The following SLC23A1 variants were observed in gnomAD, a reference collection of about 807,000 sequenced individuals.
The protein encoded by SLC23A1 is solute carrier family 23 member 1.
In SLC23A1, 31 loss-of-function variants were observed where a neutral mutation model predicts 62.5. The observed-to-expected ratio is 0.50, with a 90% confidence interval of 0.37 to 0.67. The LOEUF (loss-of-function observed/expected upper bound fraction) is 0.67, where lower values mean the gene tolerates loss of function less well. SLC23A1 is among the 30% of genes least tolerant of loss of function. The probability of loss-of-function intolerance (pLI) is 0.00; values close to 1 mark genes in which losing one functional copy is unlikely to be tolerated. For synonymous variants in SLC23A1, 271 were observed against 313.2 expected (o/e 0.87, Z 1.42); for missense variants, 640 against 782.7 (o/e 0.82, Z 2.18).
chr5:139,372,767 TAG>T (rs1757743499), intron 13 of SLC23A1, among the ~76,000 whole-genome samples: 1 of 152,052 alleles, frequency 6.6e-6, no homozygotes, highest in Non-Finnish European at 1.5e-5. Flanking sequence ...GTATTTTTAG[TAG>T]AGACGGGGTG....
rs755822670 is a variant in SLC23A1 at position 139,382,001 on chromosome 5, C to T, written c.199G>A (p.Ala67Thr). The change falls in exon 3 of 15, where the codon GCT (alanine) becomes ACT (threonine). Residue 67 changes from alanine (A) to threonine (T), a missense_variant. Physicochemically the swap from Ala to Thr is moderately conservative, Grantham distance 58. Coordinates refer to ENST00000348729, the MANE Select transcript of SLC23A1 (RefSeq NM_005847.5). ...SGTIAVPFLL[A>T]EALCVGHDQH... ...TCGTGGCCCACACACAGCGCCTCAG[C>T]CAGCAGGAAGGGCACGGCGATGGTA... is the stretch of plus-strand genomic sequence containing the variant. 1.2e-6 allele frequency: 2 copies of T among 1,607,894 alleles called. No homozygotes were observed. The highest frequency in any genetic ancestry group is 1.7e-5 in the Admixed American group (1 of 59,072).
intron 13 of SLC23A1, among the ~76,000 whole-genome samples, chr5:139,375,775 C>T (rs1184778947): frequency 3.4e-5 from 5 of 147,766 alleles, no homozygotes; most frequent in Non-Finnish European, 7.4e-5. Context: ...GCGGAGGTGG[C>T]AGTGAGCCGA....
At chr5:139,368,769 G>T in intron 14 of SLC23A1, 1 of 1,613,552 alleles carries the variant, frequency 6.2e-7, no homozygotes, top group Non-Finnish European at 8.5e-7. Context: ...AAAGGAGTTT[G>T]TTCCTGGGGT....
intron 1 of SLC23A1, 50 bp downstream of exon 1, chr5:139,383,168 G>GCCCCC: frequency 4.1e-6 from 1 of 242,714 alleles, no homozygotes; most frequent in South Asian, 4.3e-5. Context: ...AGGCCCTCCA[G>GCCCCC]CCCCCCACCC....
At chr5:139,368,627 C>A (rs551478305) in intron 14 of SLC23A1, 2 of 771,202 alleles carry the variant, frequency 2.6e-6, no homozygotes, top group Admixed American at 4.6e-5. Context: ...AGACTGAGTT[C>A]TTTTGTCTTT....
In SLC23A1 at chr5:139,380,294, T is replaced by G; in HGVS notation, c.561A>C (p.Thr187=). Residue 187 remains threonine, a synonymous_variant, in exon 6 of 15, where the codon ACA becomes ACC. Transcript: ENST00000348729. ...CAATGAGGGAGACAGTGGGGGTGACTGTGAGAGGCCCAATGTAGTTGAGCA... is the reference window on the plus strand; with the variant it reads ...CAATGAGGGAGACAGTGGGGGTGACGGTGAGAGGCCCAATGTAGTTGAGCA... ...GALLNYIGPL[T]VTPTVSLIGL... is the part of the protein sequence containing the mutation. 6.3e-7 allele frequency: 1 copy of G among 1,599,924 alleles called. No individual in the cohort carries two copies. The highest frequency in any genetic ancestry group is 1.3e-5 in the African/African-American group (1 of 74,692).
In SLC23A1 at chr5:139,378,114, C is replaced by T. The variant is rs2152069074; in HGVS notation, c.1314G>A (p.Met438Ile). Reference protein sequence around the residue: ...LGGMFCTLFGMITAVGLSNLQ... With the variant: ...LGGMFCTLFGIITAVGLSNLQ... ...GGTTGGACAGCCCCACAGCTGTAATCATGCCTAAGGGCGCAAGAGAACGGC... is the reference window on the plus strand; with the variant it reads ...GGTTGGACAGCCCCACAGCTGTAATTATGCCTAAGGGCGCAAGAGAACGGC... Residue 438 changes from methionine (M) to isoleucine (I), a missense_variant, in exon 12 of 15, where the codon ATG (methionine) becomes ATA (isoleucine). Coordinates refer to ENST00000348729, the MANE Select transcript of SLC23A1 (RefSeq NM_005847.5). The surrounding 1 kb of genome is among the most constrained non-coding windows in gnomAD (Gnocchi z 4.5). 6.2e-7 allele frequency: 1 copy of T among 1,614,224 alleles called. No individual in the cohort carries two copies. Among genetic ancestry groups the T allele is most frequent in the Non-Finnish European group, 8.5e-7 (1 of 1,180,038 alleles).
At position 139,380,243 on chromosome 5, in the gene SLC23A1, G is replaced by A. The variant is rs375177711; in HGVS notation, c.612C>T (p.Gly204=). 14 of 1,566,778 alleles carry A rather than the reference G, an allele frequency of 8.9e-6. No individual in the cohort carries two copies. The highest frequency in any genetic ancestry group is 2.3e-5 in the South Asian group (2 of 85,678). The change falls in exon 6 of 15, where the codon GGC becomes GGT. Residue 204 remains glycine (G), a synonymous_variant. Coordinates refer to ENST00000348729, the MANE Select transcript of SLC23A1 (RefSeq NM_005847.5). The part of the protein sequence containing the change: ...LIGLSVFQAA[G]DRAGSHWGIS... ...TGCCCCAGTGGGAGCCAGCTCGGTC[G>A]CCAGCAGCTTGGAAGACAGAAAGGC...
chr5:139,369,612 T>G (rs2152061057), intron 14 of SLC23A1: 1 of 152,772 alleles, frequency 6.5e-6, no homozygotes, highest in African/African-American at 2.4e-5. Context: ...TTGGGTAGGT[T>G]AAGCTGCCAT....
chr5:139,367,986 G>A (rs552184471), intron 14 of SLC23A1, among the ~76,000 whole-genome samples: 10 of 151,770 alleles, frequency 6.6e-5, no homozygotes, highest in African/African-American at 2.4e-4. Flanking sequence ...GGCAGATCAC[G>A]AGGTCAGATC....
intron 13 of SLC23A1, among the ~76,000 whole-genome samples, chr5:139,377,104 G>A (rs538467815): frequency 6.6e-6 from 1 of 152,108 alleles, no homozygotes; most frequent in Non-Finnish European, 1.5e-5. Context: ...GGGTGACAGG[G>A]CGAGACTCCA....
In SLC23A1 at chr5:139,380,803, G is replaced by A. The variant is rs754423492; in HGVS notation, c.392C>T (p.Pro131Leu). The change falls in exon 4 of 15, where the codon CCG becomes CTG. Residue 131 changes from proline (P) to leucine (L), a missense_variant. Coordinates refer to ENST00000348729, the MANE Select transcript of SLC23A1 (RefSeq NM_005847.5). ...GACCCCAGAAGTGTACCCACCTTCC[G>A]GGGGGCATTTCCATCTCTCCAGAGC... ...ILALERWKCP[P>L]EEEIYGNWSL... 7 of 1,563,614 alleles carry A rather than the reference G, an allele frequency of 4.5e-6. No individual in the cohort carries two copies. Among genetic ancestry groups the A allele is most frequent in the Middle Eastern group, 1.7e-4 (1 of 5,988 alleles).
intron 1 of SLC23A1, 49 bp from the exon 2 acceptor site, chr5:139,382,654 C>T (rs1316901304): frequency 5.2e-6 from 6 of 1,156,000 alleles, no homozygotes; most frequent in Non-Finnish European, 7.8e-6. Flanking sequence ...TGGGGACAGG[C>T]AAAATCCATT....
intron 13 of SLC23A1, among the ~76,000 whole-genome samples, chr5:139,374,408 G>C (rs1028580969): frequency 2.0e-5 from 3 of 152,240 alleles, no homozygotes; most frequent in African/African-American, 7.2e-5. Context: ...CTGCACTCCA[G>C]CCTGGGCGAC....
At chr5:139,375,835 CA>C (rs59400871) in intron 13 of SLC23A1, among the ~76,000 whole-genome samples, 3 of 147,412 alleles carry the variant, frequency 2.0e-5, no homozygotes, top group Non-Finnish European at 3.0e-5. Flanking sequence ...GACTCCATCT[CA>C]AAAAAAAAAA....
chr5:139,382,352 C>T (rs540506505), intron 2 of SLC23A1, 140 bp downstream of exon 2: 147 of 609,042 alleles, frequency 2.4e-4, no homozygotes, highest in Non-Finnish European at 3.6e-4. Flanking sequence ...AGCCTCTTCC[C>T]GACTCCTGCT....
rs747021735 is a variant in SLC23A1, at chr5:139,379,845, G to A, written c.769-11C>T. The A allele has an allele frequency of 2.5e-6, 4 of 1,614,014 alleles. No homozygotes were observed. The highest frequency in any genetic ancestry group is 2.2e-5 in the South Asian group (2 of 91,088). On this transcript the variant is annotated splice_polypyrimidine_tract_variant and intron_variant, in intron 7 of 14. Transcript: ENST00000348729. This position sits in a 1 kb window ranked among gnomAD's most constrained non-coding sequence, Gnocchi z 4.7. ...GATGGCCAGCATGATCTGAAGGAGGGGGGTGAGGGGGCACTGAAGGCACTG... is the reference window on the plus strand; with the variant it reads ...GATGGCCAGCATGATCTGAAGGAGGAGGGTGAGGGGGCACTGAAGGCACTG...
intron 3 of SLC23A1, 101 bp downstream of exon 3, chr5:139,381,791 T>C (rs1758275279): frequency 8.9e-6 from 9 of 1,013,568 alleles, no homozygotes; most frequent in African/African-American, 1.6e-5. Flanking sequence ...AGAAAGCGGC[T>C]TTTTTGTCTC....
intron 14 of SLC23A1, among the ~76,000 whole-genome samples, chr5:139,371,617 A>T (rs999518806): frequency 9.2e-5 from 14 of 152,254 alleles, no homozygotes; most frequent in African/African-American, 3.4e-4. Context: ...CATGTCGCAT[A>T]TCAAAGTGAT....
Sources: allele counts gnomAD v4.1 joint callset (sites outside exome capture counted in the v4.1 genomes callset), GRCh38; gene constraint gnomAD v4.1.1; non-coding constraint Gnocchi (gnomAD v3.1); transcripts MANE v1.5; gene names NCBI Gene and HGNC (gene_info 2026-07-23, HGNC 2026-07-21).